The following ADAMTS6 variants were observed in gnomAD, a reference collection of about 807,000 sequenced individuals.
ADAMTS6 encodes the protein A disintegrin and metalloproteinase with thrombospondin motifs 6.
In ADAMTS6, 23 loss-of-function variants were observed where a neutral mutation model predicts 144.3. The ratio of observed to expected loss-of-function variants is 0.16; its 90% CI spans 0.11 to 0.23. The LOEUF (loss-of-function observed/expected upper bound fraction) is 0.23. Ranked by LOEUF, ADAMTS6 falls within the 10% of genes least tolerant of loss-of-function variation. ADAMTS6 has a pLI of 1.00. For missense variants in ADAMTS6, 999 were observed against 1,379.6 expected, an observed-to-expected ratio of 0.72 and a Z score of 4.37; for synonymous variants, 444 against 457.5, an observed-to-expected ratio of 0.97 and a Z score of 0.38.
intron 7 of ADAMTS6, among the ~76,000 whole-genome samples, chr5:65,397,804 G>A (rs1753479960): frequency 6.7e-6 from 1 of 149,652 alleles, no homozygotes; most frequent in African/African-American, 2.5e-5. Context: ...TTGAGCCCAG[G>A]AAGCAGAGGA....
At chr5:65,262,009 A>T (rs1761240436) in intron 13 of ADAMTS6, among the ~76,000 whole-genome samples, 1 of 152,192 alleles carries the variant, frequency 6.6e-6, no homozygotes. Context: ...GCTGGGAAAG[A>T]AGGTCCTCAA....
chr5:65,367,413 T>C (rs1037983342), intron 7 of ADAMTS6, among the ~76,000 whole-genome samples: 1 of 152,184 alleles, frequency 6.6e-6, no homozygotes, highest in South Asian at 2.1e-4. Context: ...GATGTAAAAC[T>C]AAAATTTATA....
intron 7 of ADAMTS6, among the ~76,000 whole-genome samples, chr5:65,378,163 T>C (rs1751722908): frequency 6.6e-6 from 1 of 152,190 alleles, no homozygotes; most frequent in Non-Finnish European, 1.5e-5. Context: ...CCATATCTTT[T>C]GGGGGGATAC....
At chr5:65,239,106 G>A (rs919804857) in intron 15 of ADAMTS6, among the ~76,000 whole-genome samples, 5 of 152,132 alleles carry the variant, frequency 3.3e-5, no homozygotes, top group Admixed American at 2.6e-4. Flanking sequence ...ATCACACACC[G>A]GAGACTGTTG....
chr5:65,311,143 G>A (rs1236161023), intron 9 of ADAMTS6, among the ~76,000 whole-genome samples: 2 of 152,080 alleles, frequency 1.3e-5, no homozygotes, highest in African/African-American at 4.8e-5. Flanking sequence ...CAAATAAATT[G>A]TGCATCAATG....
At chr5:65,434,695 A>T (rs1757254886) in intron 7 of ADAMTS6, among the ~76,000 whole-genome samples, 1 of 152,172 alleles carries the variant, frequency 6.6e-6, no homozygotes, top group African/African-American at 2.4e-5. Flanking sequence ...CAATAATAAT[A>T]AAAAAACTAA....
chr5:65,461,056 T>C (rs748352811), intron 3 of ADAMTS6, among the ~76,000 whole-genome samples: 7 of 152,158 alleles, frequency 4.6e-5, no homozygotes, highest in Admixed American at 2.0e-4. Context: ...CAATATTACA[T>C]AGAGGTAAGT....
At chr5:65,272,961 T>C (rs559316794) in intron 12 of ADAMTS6, among the ~76,000 whole-genome samples, 6 of 151,028 alleles carry the variant, frequency 4.0e-5, no homozygotes, top group East Asian at 1.9e-4. Context: ...TTAGTAATAC[T>C]ATAGTTATAA....
chr5:65,209,059 C>T (rs1756312975), intron 20 of ADAMTS6, among the ~76,000 whole-genome samples: 1 of 152,140 alleles, frequency 6.6e-6, no homozygotes, highest in Admixed American at 6.5e-5. Flanking sequence ...CATATCTAGC[C>T]AAACATCGTA....
intron 10 of ADAMTS6, among the ~76,000 whole-genome samples, chr5:65,294,760 C>T (rs550484228): frequency 1.6e-4 from 24 of 151,860 alleles, no homozygotes; most frequent in Non-Finnish European, 3.2e-4. Context: ...TATATTTAAC[C>T]CTGGGAGTGC....
At chr5:65,224,636 A>G (rs753679777) in intron 17 of ADAMTS6, among the ~76,000 whole-genome samples, 2 of 152,206 alleles carry the variant, frequency 1.3e-5, no homozygotes, top group Non-Finnish European at 2.9e-5. Flanking sequence ...CTCAACACGA[A>G]TAATGGTTCC....
intron 7 of ADAMTS6, among the ~76,000 whole-genome samples, chr5:65,341,443 A>G (rs1424382607): frequency 6.6e-6 from 1 of 151,944 alleles, no homozygotes; most frequent in Non-Finnish European, 1.5e-5. Context: ...AAAACTGACA[A>G]GCCATTTGCT....
intron 20 of ADAMTS6, among the ~76,000 whole-genome samples, chr5:65,206,010 A>G (rs1208194716): frequency 5.3e-5 from 8 of 152,210 alleles, no homozygotes; most frequent in African/African-American, 1.9e-4. Flanking sequence ...GCCCTGAATA[A>G]TGAGCAGCTT....
At chr5:65,322,524 CTG>C (rs1037014982) in intron 9 of ADAMTS6, among the ~76,000 whole-genome samples, 4 of 145,772 alleles carry the variant, frequency 2.7e-5, no homozygotes, top group African/African-American at 1.0e-4. Flanking sequence ...TTTCATTTGT[CTG>C]TGTCATCTCT....
chr5:65,358,738 T>C (rs961409741), intron 7 of ADAMTS6, among the ~76,000 whole-genome samples: 1 of 151,978 alleles, frequency 6.6e-6, no homozygotes, highest in Non-Finnish European at 1.5e-5. Context: ...TTGCACTAAA[T>C]TGATCTTTGA....
intron 9 of ADAMTS6, among the ~76,000 whole-genome samples, 184 bp from the exon 10 acceptor site, chr5:65,300,315 GATACA>G (rs1318404103): frequency 2.6e-5 from 4 of 152,308 alleles, no homozygotes; most frequent in East Asian, 1.9e-4. Context: ...ATACTTCAGT[GATACA>G]ATACATGTCT....
intron 7 of ADAMTS6, among the ~76,000 whole-genome samples, chr5:65,357,201 C>A (rs1749398047): frequency 1.3e-5 from 2 of 151,088 alleles, no homozygotes; most frequent in Admixed American, 1.3e-4. Context: ...AACAACACAC[C>A]CCTGAACCAC....
chr5:65,334,807 C>T (rs541302160), intron 7 of ADAMTS6, among the ~76,000 whole-genome samples: 13 of 151,990 alleles, frequency 8.6e-5, no homozygotes, highest in Admixed American at 2.0e-4. Context: ...TATTACATTT[C>T]GAATCCTGTC....
At chr5:65,364,038 CA>C (rs149119006) in intron 7 of ADAMTS6, among the ~76,000 whole-genome samples, 2,465 of 152,186 alleles carry the variant, frequency 0.016, 35 homozygotes, top group East Asian at 0.083. Flanking sequence ...AACTGAAGCA[CA>C]AAAATCACAT....
Sources: allele counts gnomAD v4.1 joint callset (sites outside exome capture counted in the v4.1 genomes callset), GRCh38; gene constraint gnomAD v4.1.1; transcripts MANE v1.5; gene names NCBI Gene and HGNC (gene_info 2026-07-23, HGNC 2026-07-21).